UBE2W: variants seen among roughly 807,000 people sequenced by gnomAD.
UBE2W encodes ubiquitin conjugating enzyme E2 W.
A neutral mutation model predicts 27.2 loss-of-function variants in UBE2W; 18 were observed. The ratio of observed to expected loss-of-function variants is 0.66; its 90% confidence interval spans 0.46 to 0.98. UBE2W has a LOEUF of 0.98. Ranked by LOEUF, UBE2W falls within the 50% of genes least tolerant of loss-of-function variation. The probability of loss-of-function intolerance (pLI) is 0.00; values close to 1 mark genes in which losing one functional copy is unlikely to be tolerated. For synonymous variants in UBE2W, 53 were observed against 57.2 expected, an observed-to-expected ratio of 0.93 and a Z score of 0.33; for missense variants, 90 against 180.2, an observed-to-expected ratio of 0.50 and a Z score of 2.87.
intron 1 of UBE2W, among the ~76,000 whole-genome samples, chr8:73,844,909 G>C (rs1032341983): frequency 1.1e-3 from 164 of 150,872 alleles, no homozygotes; most frequent in Non-Finnish European, 2.4e-4. Context: ...CCCTCCGCCC[G>C]GCAGCCGCCC....
At chr8:73,869,528 T>G (rs1481405072) in intron 1 of UBE2W, among the ~76,000 whole-genome samples, 2 of 152,032 alleles carry the variant, frequency 1.3e-5, no homozygotes, top group African/African-American at 2.4e-5. Flanking sequence ...CCGTCTCTAC[T>G]AAAAATACAA....
chr8:73,825,246 C>A lies in UBE2W; in HGVS notation c.111G>T (p.Trp37Cys). The A allele has an allele frequency of 6.4e-7, 1 of 1,554,508 alleles. No individual in the cohort carries two copies. The highest frequency in any genetic ancestry group is 8.7e-7 in the Non-Finnish European group (1 of 1,148,772). ...CTGGTGCACCTTCCATGTCTACAATCCACCTAGAATAGAAAAGGCAAATTA... is the reference window on the plus strand; with the variant it reads ...CTGGTGCACCTTCCATGTCTACAATACACCTAGAATAGAAAAGGCAAATTA... ...EKSVQNSITQ[W>C]IVDMEGAPGT... Residue 37 changes from tryptophan (W) to cysteine (C), a missense_variant, in exon 3 of 6, where the codon TGG (tryptophan) becomes TGT (cysteine). Transcript: ENST00000602593.
intron 1 of UBE2W, among the ~76,000 whole-genome samples, chr8:73,862,410 G>A (rs1328643158): frequency 6.6e-6 from 1 of 152,134 alleles, no homozygotes; most frequent in Admixed American, 6.5e-5. Flanking sequence ...TTATTAAATA[G>A]GGAATCCTTT....
chr8:73,795,842 G>A (rs1808388367), intron 5 of UBE2W: 2 of 933,564 alleles, frequency 2.1e-6, no homozygotes, highest in Non-Finnish European at 2.6e-6. Flanking sequence ...AGCATTTGGG[G>A]AGGCTGAGGT....
intron 2 of UBE2W, among the ~76,000 whole-genome samples, chr8:73,825,502 G>A (rs1195470453): frequency 1.3e-5 from 2 of 152,050 alleles, no homozygotes; most frequent in African/African-American, 4.8e-5. Flanking sequence ...GTCTAAAAAA[G>A]CAAACTAAAT....
intron 1 of UBE2W, among the ~76,000 whole-genome samples, chr8:73,836,204 T>C (rs2130919092): frequency 6.6e-6 from 1 of 152,254 alleles, no homozygotes; most frequent in Non-Finnish European, 1.5e-5. Flanking sequence ...CACTGGACCA[T>C]GCTTTTTTAC....
At chr8:73,840,837 T>C (rs1372723196) in intron 1 of UBE2W, among the ~76,000 whole-genome samples, 1 of 152,200 alleles carries the variant, frequency 6.6e-6, no homozygotes, top group African/African-American at 2.4e-5. Flanking sequence ...AAGGCTCTAC[T>C]GTACTATATG....
chr8:73,837,492 AAC>A (rs199972257), intron 1 of UBE2W, among the ~76,000 whole-genome samples: 2 of 152,200 alleles, frequency 1.3e-5, no homozygotes, highest in East Asian at 3.8e-4. Flanking sequence ...AAGCTTGGGC[AAC>A]AGAGTGAGAC....
intron 1 of UBE2W, among the ~76,000 whole-genome samples, chr8:73,852,845 A>G (rs570606132): frequency 2.6e-5 from 4 of 152,320 alleles, no homozygotes; most frequent in African/African-American, 9.6e-5. Flanking sequence ...CGAAAGAACT[A>G]TGTAAACTAT....
At chr8:73,870,161 GA>G in intron 1 of UBE2W, 3 of 1,159,880 alleles carry the variant, frequency 2.6e-6, no homozygotes, top group Admixed American at 2.2e-5. Context: ...TCAATTAGAA[GA>G]AAAAATTGTG....
chr8:73,849,275 G>C (rs1479799181), intron 1 of UBE2W, among the ~76,000 whole-genome samples: 1 of 152,064 alleles, frequency 6.6e-6, no homozygotes, highest in Non-Finnish European at 1.5e-5. Flanking sequence ...ACTGTGGGAG[G>C]CCAACGCAGG....
downstream of UBE2W, among the ~76,000 whole-genome samples, chr8:73,782,252 TG>T (rs199830418): frequency 2.7e-5 from 4 of 150,552 alleles, no homozygotes; most frequent in African/African-American, 1.0e-4. Context: ...TGGCCAATTG[TG>T]TTTTTTTTTT....
rs748895276 is a variant in UBE2W at position 73,873,659 on chromosome 8, G to A, written c.15+5149C>T. Among the ~76,000 whole-genome samples, 49 of 152,012 alleles carry A rather than the reference G, an allele frequency of 3.2e-4. 1 individual carries two copies. Among genetic ancestry groups the A allele is most frequent in the Non-Finnish European group, 6.3e-4 (43 of 67,980 alleles). On this transcript the variant is annotated intron_variant, in intron 1 of 5. Coordinates refer to ENST00000602593, the MANE Select transcript of UBE2W (RefSeq NM_018299.6). ...TGACAGAGTGAGACCCTGTCTCAGA[G>A]AGAAAAAATTTTAAAAGCTGTGAAT...
At chr8:73,871,115 A>G (rs1192757752) in intron 1 of UBE2W, among the ~76,000 whole-genome samples, 1 of 152,244 alleles carries the variant, frequency 6.6e-6, no homozygotes, top group Non-Finnish European at 1.5e-5. Context: ...GGGCAGAAGT[A>G]GGAAAACCAG....
chr8:73,783,549 T>A (rs983626266), downstream of UBE2W, among the ~76,000 whole-genome samples: 4 of 152,176 alleles, frequency 2.6e-5, no homozygotes, highest in African/African-American at 9.7e-5. Context: ...CTATCTTTAT[T>A]CCAGTAGTTC....
At chr8:73,865,741 T>A (rs1287070118) in intron 1 of UBE2W, among the ~76,000 whole-genome samples, 1 of 152,220 alleles carries the variant, frequency 6.6e-6, no homozygotes, top group Non-Finnish European at 1.5e-5. Flanking sequence ...ATTACTCGAT[T>A]TCCTTAATAT....
In UBE2W at chr8:73,865,180, C is replaced by CAAAAAAAAAAA. The variant is rs11354153; in HGVS notation, c.15+13617_15+13627dup. On this transcript the variant is annotated intron_variant, in intron 1 of 5. Transcript: ENST00000602593. ...CACTGCTCTTTAAGTGTGCAAACGT[C>CAAAAAAAAAAA]AAAAAAAAAAAAAAAAAAAAAAAAA... 2.9e-3 allele frequency among the ~76,000 whole-genome samples: 94 copies of CAAAAAAAAAAA among 32,846 alleles called. 20 individuals are homozygous for CAAAAAAAAAAA. Among genetic ancestry groups the CAAAAAAAAAAA allele is most frequent in the African/African-American group, 7.3e-3 (87 of 11,930 alleles). 21.5% of individuals were successfully genotyped at this position (32,846 alleles called of 152,430 possible).
At chr8:73,807,136 ATATCCT>A (rs1175654563) in intron 4 of UBE2W, among the ~76,000 whole-genome samples, 2 of 152,384 alleles carry the variant, frequency 1.3e-5, no homozygotes, top group Admixed American at 6.5e-5. Flanking sequence ...ACTATGATAG[ATATCCT>A]TATCCTTTAG....
Position 73,787,101 on chromosome 8 carries a change from G to A in UBE2W, c.*7001C>T. On this transcript the variant is annotated 3_prime_UTR_variant, in exon 6 of 6. Coordinates refer to ENST00000602593, the MANE Select transcript of UBE2W (RefSeq NM_018299.6). ...AATCCACTTAACTGTAAAGGGCGTAGGGATTCCCACTTATGTATTTTGCAT... is the reference window on the plus strand; with the variant it reads ...AATCCACTTAACTGTAAAGGGCGTAAGGATTCCCACTTATGTATTTTGCAT... 1 of 985,360 alleles carries A rather than the reference G, an allele frequency of 1.0e-6. No individual in the cohort carries two copies. The highest frequency in any genetic ancestry group is 1.2e-6 in the Non-Finnish European group (1 of 829,928). 61.0% of individuals were successfully genotyped at this position (985,360 alleles called of 1,614,324 possible). A position where few individuals can be genotyped will look rare whatever the true frequency, so the allele number is the denominator to read the frequency against.
Sources: allele counts gnomAD v4.1 joint callset (sites outside exome capture counted in the v4.1 genomes callset), GRCh38; gene constraint gnomAD v4.1.1; transcripts MANE v1.5; gene names NCBI Gene and HGNC (gene_info 2026-07-23, HGNC 2026-07-21).